DPYD: variants seen among roughly 807,000 people sequenced by gnomAD.
DPYD encodes dihydropyrimidine dehydrogenase.
DPYD carries 109 observed loss-of-function variants against 116.2 expected under a neutral mutation model. That is an observed-to-expected ratio of 0.94 (90% CI 0.80 to 1.10). DPYD has a LOEUF of 1.10. Among genes scored for constraint, DPYD ranks in the 50% least tolerant of loss-of-function variants. The probability of loss-of-function intolerance (pLI) is 0.00; values close to 1 mark genes in which losing one functional copy is unlikely to be tolerated. For missense variants in DPYD, 1,302 were observed against 1,254.5 expected (o/e 1.04, Z -0.57); for synonymous variants, 440 against 432.0 (o/e 1.02, Z -0.23).
intron 19 of DPYD, among the ~76,000 whole-genome samples, chr1:97,228,855 G>T (rs1661373523): frequency 6.6e-6 from 1 of 152,052 alleles, no homozygotes; most frequent in African/African-American, 2.4e-5. Context: ...TGATCAAGAG[G>T]CTAAGGGCTT....
At chr1:97,222,734 C>T (rs1359336906) in intron 19 of DPYD, among the ~76,000 whole-genome samples, 1 of 151,920 alleles carries the variant, frequency 6.6e-6, no homozygotes, top group African/African-American at 2.4e-5. Context: ...TATCTACTTA[C>T]ATATTATTCT....
chr1:97,276,781 T>A (rs1252873681), intron 18 of DPYD, among the ~76,000 whole-genome samples: 1 of 152,002 alleles, frequency 6.6e-6, no homozygotes, highest in East Asian at 1.9e-4. Flanking sequence ...GTTCAGCCAC[T>A]GTGGAAAGCA....
chr1:97,836,235 A>G (rs1292200983), intron 2 of DPYD, among the ~76,000 whole-genome samples: 1 of 152,088 alleles, frequency 6.6e-6, no homozygotes, highest in Non-Finnish European at 1.5e-5. Context: ...CTCTGTCTCA[A>G]TTTTGGATGG....
chr1:97,823,317 G>C (rs1669059940), intron 3 of DPYD, among the ~76,000 whole-genome samples: 1 of 151,988 alleles, frequency 6.6e-6, no homozygotes, highest in South Asian at 2.1e-4. Context: ...ACCATACCCG[G>C]CTAATTTTTT....
chr1:97,595,140 T>C lies in DPYD; in HGVS notation c.877A>G (p.Ile293Val), dbSNP rs779925747. The change falls in exon 9 of 23, where the codon ATC (isoleucine) becomes GTC (valine). Residue 293 changes from isoleucine (I) to valine (V), a missense_variant. Physicochemically the swap from Ile to Val is conservative, Grantham distance 29. Coordinates refer to ENST00000370192, the MANE Select transcript of DPYD (RefSeq NM_000110.4). ...TGGTCCTGCGTCAGGCCTTGGAAGA[T>C]GGCATCTTTATTGGGTTCTGGCAAA... ...IGLPEPNKDAIFQGLTQDQGF... is the reference protein window; with the variant it reads ...IGLPEPNKDAVFQGLTQDQGF... 42 of 1,613,592 alleles carry C rather than the reference T, an allele frequency of 2.6e-5. No individual in the cohort carries two copies. The highest frequency in any genetic ancestry group is 1.6e-4 in the Middle Eastern group (1 of 6,084).
chr1:97,764,435 T>C (rs1429525874), intron 3 of DPYD, among the ~76,000 whole-genome samples: 1 of 152,102 alleles, frequency 6.6e-6, no homozygotes, highest in Non-Finnish European at 1.5e-5. Flanking sequence ...CTATCTATTC[T>C]GGTTTAGTAC....
chr1:97,614,673 C>T (rs982297057), intron 8 of DPYD, among the ~76,000 whole-genome samples: 2 of 152,048 alleles, frequency 1.3e-5, no homozygotes, highest in African/African-American at 4.8e-5. Context: ...TACATCCTCC[C>T]CACCCATCAA....
chr1:97,920,796 CG>C, intron 1 of DPYD, 87 bp downstream of exon 1: 4 of 1,511,600 alleles, frequency 2.6e-6, no homozygotes, highest in Middle Eastern at 3.9e-4. Context: ...CTCCGGGGTG[CG>C]GGGGCCGCGG....
intron 18 of DPYD, among the ~76,000 whole-genome samples, chr1:97,238,787 C>A (rs547657698): frequency 2.8e-4 from 43 of 152,190 alleles, no homozygotes; most frequent in Non-Finnish European, 5.9e-4. Context: ...AGGTTTAAAT[C>A]AAGAAATTGA....
intron 14 of DPYD, among the ~76,000 whole-genome samples, chr1:97,448,498 A>G (rs1273747053): frequency 1.3e-5 from 2 of 152,194 alleles, no homozygotes; most frequent in Admixed American, 6.5e-5. Context: ...AGTGAGTGTT[A>G]TATCAGTGCT....
chr1:97,919,683 A>G (rs1674403112), intron 1 of DPYD, among the ~76,000 whole-genome samples: 1 of 152,222 alleles, frequency 6.6e-6, no homozygotes, highest in Non-Finnish European at 1.5e-5. Context: ...TATCCTGCAC[A>G]CAGATGAACA....
chr1:97,207,087 C>A (rs1659692606), intron 19 of DPYD, among the ~76,000 whole-genome samples: 2 of 152,042 alleles, frequency 1.3e-5, no homozygotes, highest in South Asian at 4.1e-4. Flanking sequence ...GTACTTACCA[C>A]ATAAAGATCT....
intron 16 of DPYD, among the ~76,000 whole-genome samples, chr1:97,323,401 TGTGTATATGTA>T (rs1469877819): frequency 1.0e-5 from 1 of 95,432 alleles, no homozygotes; most frequent in African/African-American, 3.3e-5. Flanking sequence ...TGTATACATA[TGTGTATATGTA>T]CACGTATATA....
chr1:97,254,315 C>G (rs1663306356), intron 18 of DPYD, among the ~76,000 whole-genome samples: 1 of 152,004 alleles, frequency 6.6e-6, no homozygotes, highest in African/African-American at 2.4e-5. Context: ...CAAAAATAAC[C>G]CTGCAACAAG....
chr1:97,491,575 T>G (rs1678978693), intron 13 of DPYD, among the ~76,000 whole-genome samples: 1 of 152,068 alleles, frequency 6.6e-6, no homozygotes, highest in African/African-American at 2.4e-5. Context: ...GCTCTGCAAT[T>G]ATACAAACCA....
At chr1:97,430,769 A>G (rs2101728811) in intron 14 of DPYD, among the ~76,000 whole-genome samples, 1 of 152,300 alleles carries the variant, frequency 6.6e-6, no homozygotes, top group East Asian at 1.9e-4. Flanking sequence ...GGATTCATGC[A>G]TTAATAGAAG....
At chr1:97,848,815 G>A (rs927132509) in intron 2 of DPYD, among the ~76,000 whole-genome samples, 7 of 152,088 alleles carry the variant, frequency 4.6e-5, no homozygotes, top group Admixed American at 2.0e-4. Flanking sequence ...ATGAAGAAAG[G>A]TTTCGGGATT....
chr1:97,564,879 C>T (rs1174965036), intron 11 of DPYD, among the ~76,000 whole-genome samples: 1 of 152,130 alleles, frequency 6.6e-6, no homozygotes, highest in Non-Finnish European at 1.5e-5. Flanking sequence ...AAATTACTGA[C>T]ACTGTAGTTC....
chr1:97,359,880 C>A (rs973455135), intron 16 of DPYD, among the ~76,000 whole-genome samples: 4 of 152,162 alleles, frequency 2.6e-5, no homozygotes, highest in Non-Finnish European at 5.9e-5. Flanking sequence ...ACCATCAATG[C>A]TAGGAAGAAA....
Sources: gnomAD v4.1 joint callset for allele counts (sites outside exome capture counted in the v4.1 genomes callset) on GRCh38, gnomAD v4.1.1 for gene constraint, MANE v1.5 for transcripts, NCBI Gene and HGNC (gene_info 2026-07-23, HGNC 2026-07-21) for gene names.